Variants in MTURN observed in about 807,000 individuals in gnomAD.
The protein encoded by MTURN is maturin.
A neutral mutation model predicts 14.9 loss-of-function variants in MTURN; 7 were observed. The observed-to-expected ratio is 0.47, with a 90% CI of 0.27 to 0.88. MTURN has a LOEUF of 0.88. Among genes scored for constraint, MTURN ranks in the 40% least tolerant of loss-of-function variants. MTURN has a pLI of 0.14. For missense variants in MTURN, 151 were observed against 174.1 expected (o/e 0.87, Z 0.75); for synonymous variants, 69 against 72.5 (o/e 0.95, Z 0.25).
chr7:30,157,324 T>C, intron 2 of MTURN, 114 bp from the exon 3 acceptor site: 1 of 699,038 alleles, frequency 1.4e-6, no homozygotes, highest in Non-Finnish European at 2.2e-6. Context: ...GACGGGGAAG[T>C]CTGCAGCTGC....
chr7:30,143,958 A>G (rs1039069315), intron 1 of MTURN, among the ~76,000 whole-genome samples: 1 of 152,254 alleles, frequency 6.6e-6, no homozygotes, highest in African/African-American at 2.4e-5. Context: ...AGCTTTTCAT[A>G]GGTGCACCTG....
In MTURN at chr7:30,162,527, G is replaced by T. The variant is rs375223784; in HGVS notation, c.*4979G>T. 3 of 151,442 alleles carry T rather than the reference G, an allele frequency of 2.0e-5. No individual in the cohort carries two copies. Among genetic ancestry groups the T allele is most frequent in the Non-Finnish European group, 4.4e-5 (3 of 67,800 alleles). 9.4% of individuals were successfully genotyped at this position (151,442 alleles called of 1,614,324 possible). A position where few individuals can be genotyped will look rare whatever the true frequency, so the allele number is the denominator to read the frequency against. On this transcript the variant is annotated 3_prime_UTR_variant, in exon 3 of 3. Coordinates refer to ENST00000324453, the MANE Select transcript of MTURN (RefSeq NM_152793.3). ...TTTTTTTTAGGCAAGAAGTGTTGCC[G>T]GTAGGGTATGTGTGCTTTCTTTGCC...
intron 1 of MTURN, among the ~76,000 whole-genome samples, chr7:30,145,139 G>C (rs907828689): frequency 6.6e-6 from 1 of 152,022 alleles, no homozygotes; most frequent in Non-Finnish European, 1.5e-5. Context: ...ACATTTATGA[G>C]AGAGGCTTGC....
intron 1 of MTURN, among the ~76,000 whole-genome samples, chr7:30,141,942 G>A (rs1797058372): frequency 1.3e-5 from 2 of 152,064 alleles, no homozygotes; most frequent in Non-Finnish European, 1.5e-5. Flanking sequence ...GGCCCCAGAG[G>A]GAGGAGACAC....
intron 1 of MTURN, chr7:30,137,791 T>C (rs1796988956): frequency 2.5e-6 from 1 of 396,064 alleles, no homozygotes; most frequent in South Asian, 1.9e-5. Context: ...AAGTGTGAGA[T>C]CAATGGAATT....
Position 30,142,499 on chromosome 7 carries a change from G to A in MTURN, c.163-3678G>A, listed in dbSNP as rs564088230. On this transcript the variant is annotated intron_variant, in intron 1 of 2. Coordinates refer to ENST00000324453, the MANE Select transcript of MTURN (RefSeq NM_152793.3). ...TTCTGCTGTGCCCATGGTTCTCAAA[G>A]TGTGGTCCCAGAACCAGCCACATGA... is the stretch of plus-strand genomic sequence containing the variant. Among the ~76,000 whole-genome samples the A allele has an allele frequency of 1.3e-4, 20 of 152,316 alleles. No individual in the cohort carries two copies. In the South Asian group the frequency reaches 2.5e-3, roughly 19 times the overall value.
intron 2 of MTURN, among the ~76,000 whole-genome samples, chr7:30,152,145 TC>T (rs1797221402): frequency 7.0e-6 from 1 of 142,952 alleles, no homozygotes. Context: ...ATCTTTTTTT[TC>T]TTTTTTCCTT....
At position 30,158,256 on chromosome 7, in the gene MTURN, A is replaced by T. The variant is rs1482198388; in HGVS notation, c.*708A>T. On this transcript the variant is annotated 3_prime_UTR_variant, in exon 3 of 3. Coordinates refer to ENST00000324453, the MANE Select transcript of MTURN (RefSeq NM_152793.3). ...AGCCACTTTTGAAGTCTATAGTGGA[A>T]AATATAGATGGGGTGAAAGATATAA... The T allele has an allele frequency of 6.6e-6, 1 of 152,472 alleles. No homozygotes were observed. Among genetic ancestry groups the T allele is most frequent in the Non-Finnish European group, 1.5e-5 (1 of 68,038 alleles). 9.4% of individuals were successfully genotyped at this position (152,472 alleles called of 1,614,324 possible). A position where few individuals can be genotyped will look rare whatever the true frequency, so the allele number is the denominator to read the frequency against.
At chr7:30,140,634 G>A (rs1045496708) in intron 1 of MTURN, among the ~76,000 whole-genome samples, 2 of 152,154 alleles carry the variant, frequency 1.3e-5, no homozygotes, top group African/African-American at 4.8e-5. Context: ...CATGATTAGT[G>A]TGGGGATGAA....
In MTURN at chr7:30,161,699, C is replaced by G. The variant is rs1797376929; in HGVS notation, c.*4151C>G. ...CAATTAATGCTTAAGCGATCACAGA[C>G]CCCTCTCCCCTGCAGTGGGTGTTAG... On this transcript the variant is annotated 3_prime_UTR_variant, in exon 3 of 3. Coordinates refer to ENST00000324453, the MANE Select transcript of MTURN (RefSeq NM_152793.3). 1 of 152,230 alleles carries G rather than the reference C, an allele frequency of 6.6e-6. No homozygotes were observed. The highest frequency in any genetic ancestry group is 1.5e-5 in the Non-Finnish European group (1 of 68,044). The allele number at this position is 152,230 out of a possible 1,614,324, so 9.4% of individuals were successfully genotyped here. A position where few individuals can be genotyped will look rare whatever the true frequency, so the allele number is the denominator to read the frequency against.
intron 1 of MTURN, among the ~76,000 whole-genome samples, chr7:30,142,715 A>G (rs1797070021): frequency 6.6e-6 from 1 of 152,046 alleles, no homozygotes; most frequent in South Asian, 2.1e-4. Flanking sequence ...TCCACACTGA[A>G]GCTTGAGAAC....
At chr7:30,135,323 C>G in intron 1 of MTURN, 25 bp downstream of exon 1, 1 of 1,496,144 alleles carries the variant, frequency 6.7e-7, no homozygotes, top group Non-Finnish European at 8.9e-7. Context: ...GAGGGACCGC[C>G]GGAGCCGGCG....
intron 2 of MTURN, 134 bp from the exon 3 acceptor site, chr7:30,157,303 TA>T (rs1201461879): frequency 1.8e-6 from 1 of 566,956 alleles, no homozygotes; most frequent in East Asian, 3.2e-5. Flanking sequence ...AAAATCATTG[TA>T]GGGGTGGTTG....
At chr7:30,145,950 A>C in intron 1 of MTURN, 1 of 1,551,756 alleles carries the variant, frequency 6.4e-7, no homozygotes, top group African/African-American at 1.4e-5. Context: ...TGATGAACAG[A>C]GCAGGTGAGG....
intron 1 of MTURN, among the ~76,000 whole-genome samples, chr7:30,142,270 C>T (rs1199531943): frequency 6.6e-6 from 1 of 152,160 alleles, no homozygotes; most frequent in Non-Finnish European, 1.5e-5. Flanking sequence ...GGCCTATACT[C>T]AAATCAAAGT....
intron 1 of MTURN, among the ~76,000 whole-genome samples, chr7:30,139,842 C>G (rs983894465): frequency 6.6e-6 from 1 of 152,206 alleles, no homozygotes; most frequent in Non-Finnish European, 1.5e-5. Flanking sequence ...ACCTGGGACC[C>G]CTCTCTGTGG....
chr7:30,152,709 A>G (rs760385479), intron 2 of MTURN, among the ~76,000 whole-genome samples: 44 of 152,136 alleles, frequency 2.9e-4, no homozygotes, highest in Non-Finnish European at 5.3e-4. Flanking sequence ...CTTCTAGCCC[A>G]CTGTGCTGAG....
rs187697121 is a variant in MTURN, at chr7:30,158,519, G to A, written c.*971G>A. On this transcript the variant is annotated 3_prime_UTR_variant, in exon 3 of 3. Transcript: ENST00000324453. Reference sequence around the variant, plus strand: ...TAAGTCTTTTATTTAAAAAAAAAAAGTCAAAAAAAGGATTCCATTGTGTAA... The same window carrying A: ...TAAGTCTTTTATTTAAAAAAAAAAAATCAAAAAAAGGATTCCATTGTGTAA... The A allele has an allele frequency of 4.1e-5, 6 of 146,378 alleles. No individual in the cohort carries two copies. The highest frequency in any genetic ancestry group is 3.4e-4 in the Admixed American group (5 of 14,708). 9.1% of individuals were successfully genotyped at this position (146,378 alleles called of 1,614,324 possible). A position where few individuals can be genotyped will look rare whatever the true frequency, so the allele number is the denominator to read the frequency against.
intron 1 of MTURN, among the ~76,000 whole-genome samples, chr7:30,140,198 G>T (rs577081441): frequency 2.6e-5 from 4 of 152,148 alleles, no homozygotes; most frequent in Non-Finnish European, 4.4e-5. Context: ...CCTGATGATT[G>T]TGGGAGAGAG....
Sources: allele counts gnomAD v4.1 joint callset (sites outside exome capture counted in the v4.1 genomes callset), GRCh38; gene constraint gnomAD v4.1.1; transcripts MANE v1.5; gene names NCBI Gene and HGNC (gene_info 2026-07-23, HGNC 2026-07-21).